The following DENND4C variants were observed in gnomAD, a reference collection of about 807,000 sequenced individuals.
DENND4C encodes the protein DENN domain-containing protein 4C.
Under a neutral mutation model 203.0 loss-of-function variants are expected in DENND4C, and 108 were observed. The ratio of observed to expected loss-of-function variants is 0.53; its 90% confidence interval spans 0.46 to 0.62. The LOEUF is 0.62. Among genes scored for constraint, DENND4C ranks in the 20% least tolerant of loss-of-function variants. DENND4C has a pLI of 0.00. For synonymous variants in DENND4C, 871 were observed against 792.4 expected (o/e 1.10, Z -1.67); for missense variants, 2,481 against 2,301.2 (o/e 1.08, Z -1.60).
At chr9:19,261,659 AGGCC>A (rs1564096559) in intron 1 of DENND4C, among the ~76,000 whole-genome samples, 1 of 149,542 alleles carries the variant, frequency 6.7e-6, no homozygotes, top group African/African-American at 2.5e-5. Context: ...GAATCCCACC[AGGCC>A]GGGCTAATTT....
intron 1 of DENND4C, among the ~76,000 whole-genome samples, chr9:19,250,882 C>CT (rs1283954718): frequency 1.3e-5 from 2 of 152,224 alleles, no homozygotes; most frequent in Admixed American, 1.3e-4. Context: ...TGCAGGGTAC[C>CT]TAGCCTCCCT....
intron 2 of DENND4C, among the ~76,000 whole-genome samples, chr9:19,277,897 C>T (rs895315209): frequency 2.6e-4 from 40 of 152,002 alleles, no homozygotes; most frequent in African/African-American, 9.4e-4. Flanking sequence ...TGCCTTTTGT[C>T]AATTGAGATG....
chr9:19,340,988 A>G lies in DENND4C; in HGVS notation c.2882-4A>G, dbSNP rs368657811. 80 of 1,588,006 alleles carry G rather than the reference A, an allele frequency of 5.0e-5. 2 individuals are homozygous for G. The highest frequency in any genetic ancestry group is 5.4e-5 in the Non-Finnish European group (63 of 1,171,572). On this transcript the variant is annotated splice_region_variant and splice_polypyrimidine_tract_variant and intron_variant, in intron 20 of 32. Transcript: ENST00000434457. ...TATATGTAAGTCTGCATTCTTTTTA[A>G]CAGGTGGTCAGTCTGACCAAGGATA...
At chr9:19,310,253 C>G (rs1463199521) in intron 10 of DENND4C, among the ~76,000 whole-genome samples, 1 of 152,156 alleles carries the variant, frequency 6.6e-6, no homozygotes, top group Non-Finnish European at 1.5e-5. Context: ...TCTTAATTCT[C>G]CAGCTAGGAT....
chr9:19,252,333 TTCC>T (rs1826835845), intron 1 of DENND4C, among the ~76,000 whole-genome samples: 1 of 152,172 alleles, frequency 6.6e-6, no homozygotes, highest in South Asian at 2.1e-4. Flanking sequence ...TCTCACCAGG[TTCC>T]TCCCATGACA....
At chr9:19,272,993 G>A (rs1172607774) in intron 1 of DENND4C, among the ~76,000 whole-genome samples, 3 of 141,536 alleles carry the variant, frequency 2.1e-5, no homozygotes, top group African/African-American at 8.1e-5. Flanking sequence ...CTGTCACCCA[G>A]GCTGGAGTGC....
rs373808057 is a variant in DENND4C, at chr9:19,252,150, A to G, written c.-18+21317A>G. On this transcript the variant is annotated intron_variant, in intron 1 of 32. Coordinates refer to ENST00000434457, the MANE Select transcript of DENND4C (RefSeq NM_001330640.2). The stretch of plus-strand genomic sequence containing the variant: ...TTCCATGTGGCTGGGGAGGCCTCAC[A>G]ATCATGGCAGAAGGCAAGGAGGAGC... 1.2e-4 allele frequency among the ~76,000 whole-genome samples: 19 copies of G among 152,310 alleles called. 1 individual carries two copies. In the East Asian group the frequency reaches 3.3e-3, roughly 26 times the overall value.
chr9:19,352,194 A>C lies in DENND4C; in HGVS notation c.4605+12A>C. On this transcript the variant is annotated intron_variant, in intron 25 of 32. Coordinates refer to ENST00000434457, the MANE Select transcript of DENND4C (RefSeq NM_001330640.2). ...ATTGTGCAATGGAGGTAAAAGTTCT[A>C]TATTCAGTTCATGATAAAGTAGCTG... 6.2e-7 allele frequency: 1 copy of C among 1,603,160 alleles called. No individual in the cohort carries two copies. The highest frequency in any genetic ancestry group is 8.5e-7 in the Non-Finnish European group (1 of 1,170,652).
chr9:19,326,520 T>C (rs1024354597), intron 15 of DENND4C, among the ~76,000 whole-genome samples: 2 of 152,160 alleles, frequency 1.3e-5, no homozygotes, highest in African/African-American at 4.8e-5. Flanking sequence ...GAAATTCTTA[T>C]GAATTAGTAA....
chr9:19,271,215 T>C (rs1176864455), intron 1 of DENND4C, among the ~76,000 whole-genome samples: 1 of 151,338 alleles, frequency 6.6e-6, no homozygotes, highest in Non-Finnish European at 1.5e-5. Context: ...TTTTTTTTTT[T>C]TTTTGAGACA....
chr9:19,319,190 T>TAC (rs1842351461), intron 12 of DENND4C, among the ~76,000 whole-genome samples: 1 of 147,338 alleles, frequency 6.8e-6, no homozygotes, highest in Admixed American at 6.9e-5. Context: ...TGTATATATA[T>TAC]ACACGTATAT....
intron 12 of DENND4C, among the ~76,000 whole-genome samples, chr9:19,322,489 C>T (rs908386135): frequency 2.6e-5 from 4 of 151,580 alleles, no homozygotes; most frequent in South Asian, 2.1e-4. Context: ...AGGCCAGGCG[C>T]GGTGGCTCAG....
intron 28 of DENND4C, among the ~76,000 whole-genome samples, chr9:19,359,392 A>G (rs777580295): frequency 1.3e-5 from 2 of 151,762 alleles, no homozygotes; most frequent in African/African-American, 2.4e-5. Context: ...ATTTATCTTT[A>G]TATCTATTGC....
chr9:19,242,635 A>G (rs1588719034), intron 1 of DENND4C, among the ~76,000 whole-genome samples: 1 of 149,020 alleles, frequency 6.7e-6, no homozygotes, highest in Non-Finnish European at 1.5e-5. Context: ...GTGGATTGGT[A>G]TCTCATTGCT....
rs545071235 is a variant in DENND4C at position 19,288,564 on chromosome 9, T to C, written c.559-32T>C. 233 of 1,207,222 alleles carry C rather than the reference T, an allele frequency of 1.9e-4. No individual in the cohort carries two copies. The African/African-American group carries it at 3.4e-3, about 17-fold the overall frequency. 74.8% of individuals were successfully genotyped at this position (1,207,222 alleles called of 1,614,324 possible). ...AAATCAATTTCTTTTCACTCTTTTG[T>C]CTTTTTTATAAACCTAATTCATGTT... On this transcript the variant is annotated intron_variant, in intron 3 of 32. Transcript: ENST00000434457.
At chr9:19,369,159 C>T (rs1828273747) in intron 30 of DENND4C, among the ~76,000 whole-genome samples, 1 of 151,980 alleles carries the variant, frequency 6.6e-6, no homozygotes, top group South Asian at 2.1e-4. Context: ...TAAGTAAATA[C>T]ATTTTTAAAA....
In DENND4C at chr9:19,369,841, T is replaced by C. The variant is rs1483810175; in HGVS notation, c.5529T>C (p.Ser1843=). 8.9e-6 allele frequency: 14 copies of C among 1,573,872 alleles called. No individual in the cohort carries two copies. Among genetic ancestry groups the C allele is most frequent in the Non-Finnish European group, 1.2e-5 (14 of 1,164,444 alleles). ...TTACTGTGTTCTTATTGTTAGATTC[T>C]GAAAAGAAATCATCTCTCCTGTCAG... is the stretch of plus-strand genomic sequence containing the variant. ...PLYVSWRNFN[S]EKKSSLLSEE... Residue 1843 remains serine (S), a synonymous_variant, in exon 31 of 33, where the codon TCT becomes TCC. Transcript: ENST00000434457.
chr9:19,360,779 G>T (rs117313641), intron 29 of DENND4C, among the ~76,000 whole-genome samples: 1 of 152,188 alleles, frequency 6.6e-6, no homozygotes, highest in Non-Finnish European at 1.5e-5. Context: ...GGAGAAAAAT[G>T]GATGGAGAGG....
rs60635871 is a variant in DENND4C at position 19,356,788 on chromosome 9, TGAGA to T, written c.4782-158_4782-155del. Among the ~76,000 whole-genome samples the T allele has an allele frequency of 9.4e-3, 1,320 of 140,276 alleles. 8 individuals carry two copies. The highest frequency in any genetic ancestry group is 0.016 in the Admixed American group (231 of 14,288). The allele number at this position is 140,276 out of a possible 152,430, so 92.0% of individuals were successfully genotyped here. ...GAGAGCAGGAATGTGTGTGTGTGTG[TGAGA>T]GAGAGAGAGAGAGAGAGAGAGAGAG... is the stretch of plus-strand genomic sequence containing the variant. On this transcript the variant is annotated intron_variant, in intron 26 of 32. Coordinates refer to ENST00000434457, the MANE Select transcript of DENND4C (RefSeq NM_001330640.2).
Sources: gnomAD v4.1 joint callset for allele counts (sites outside exome capture counted in the v4.1 genomes callset) on GRCh38, gnomAD v4.1.1 for gene constraint, MANE v1.5 for transcripts, NCBI Gene and HGNC (gene_info 2026-07-23, HGNC 2026-07-21) for gene names.